DMD: variants seen among roughly 807,000 people sequenced by gnomAD.
The protein encoded by DMD is mutant dystrophin.
In DMD, 63 loss-of-function variants were observed where a neutral mutation model predicts 330.1. The ratio of observed to expected loss-of-function variants is 0.19; its 90% confidence interval spans 0.16 to 0.24. DMD has a LOEUF of 0.24. DMD is among the 10% of genes least tolerant of loss of function. DMD has a pLI of 1.00. For missense variants in DMD, 3,344 were observed against 2,684.1 expected (o/e 1.25, Z -5.43); for synonymous variants, 1,223 against 959.8 (o/e 1.27, Z -5.07).
At chrX:32,414,292 G>A (rs1156773831) in intron 29 of DMD, among the ~76,000 whole-genome samples, 1 of 111,527 alleles carries the variant, frequency 9.0e-6, no homozygotes, top group Non-Finnish European at 1.9e-5. Flanking sequence ...TAAGTTCAGG[G>A]AGGTAATTCT....
intron 2 of DMD, among the ~76,000 whole-genome samples, chrX:33,018,731 A>C (rs2093854136): frequency 8.9e-6 from 1 of 111,878 alleles, no homozygotes. Context: ...TCAGAATTCC[A>C]AAACTTAAAA....
chrX:32,290,541 G>T (rs1439812742), intron 42 of DMD, among the ~76,000 whole-genome samples: 2 of 111,968 alleles, frequency 1.8e-5, no homozygotes, highest in African/African-American at 6.5e-5. Flanking sequence ...CCACAAATGG[G>T]TTATACGGGA....
rs753065208 is a variant in DMD at position 31,308,793 on chromosome X, G to A, written c.9224+14805C>T. 4.5e-5 allele frequency among the ~76,000 whole-genome samples: 5 copies of A among 110,565 alleles called. No individual in the cohort carries two copies. The South Asian group carries it at 1.6e-3, about 35-fold the overall frequency. On this transcript the variant is annotated intron_variant, in intron 62 of 78. Coordinates refer to ENST00000357033, the MANE Select transcript of DMD (RefSeq NM_004006.3). ...CGCCCTGGCTGAAGTGCAATGGTGC[G>A]ATCTCGGCTCACTGCAACCTCTGCC...
At chrX:31,783,503 T>C (rs2091131001) in intron 50 of DMD, among the ~76,000 whole-genome samples, 1 of 111,457 alleles carries the variant, frequency 9.0e-6, no homozygotes, top group Non-Finnish European at 1.9e-5. Context: ...GATGATAAGC[T>C]ATTTGAGATA....
intron 12 of DMD, among the ~76,000 whole-genome samples, chrX:32,606,494 T>C (rs1476119442): frequency 9.1e-6 from 1 of 109,708 alleles, no homozygotes; most frequent in African/African-American, 3.3e-5. Context: ...TGTAAAACAG[T>C]ATGGAGATTT....
At chrX:31,867,290 T>C (rs1044839898) in intron 48 of DMD, among the ~76,000 whole-genome samples, 8 of 109,896 alleles carry the variant, frequency 7.3e-5, no homozygotes, top group Non-Finnish European at 1.1e-4. Flanking sequence ...TGATTTTGTA[T>C]GTCCTTGAAT....
At chrX:32,800,651 G>T (rs2076490869) in intron 7 of DMD, among the ~76,000 whole-genome samples, 1 of 110,833 alleles carries the variant, frequency 9.0e-6, no homozygotes. Flanking sequence ...GTGGTTTGCT[G>T]TACCAATCCG....
rs551907836 is a variant in DMD at position 32,860,048 on chromosome X, C to T, written c.94-10228G>A. 2.3e-3 allele frequency among the ~76,000 whole-genome samples: 251 copies of T among 111,532 alleles called. 2 individuals are homozygous for T. Among genetic ancestry groups the T allele is most frequent in the African/African-American group, 7.9e-3 (242 of 30,683 alleles). On this transcript the variant is annotated intron_variant, in intron 2 of 78. Transcript: ENST00000357033. The stretch of plus-strand genomic sequence containing the variant: ...GTCTTTGTTAACCCAAACCACAACA[C>T]GAAAGGACCTAAAAACGAGACAGTA...
At position 32,715,602 on chromosome X, in the gene DMD, A is replaced by C. The variant is rs139916400; in HGVS notation, c.650-16309T>G. 4.2e-3 allele frequency among the ~76,000 whole-genome samples: 452 copies of C among 108,725 alleles called. 1 individual carries two copies. The highest frequency in any genetic ancestry group is 0.013 in the African/African-American group (398 of 29,773). The allele number at this position is 108,725 out of a possible 115,157, so 94.4% of individuals were successfully genotyped here. A position where few individuals can be genotyped will look rare whatever the true frequency, so the allele number is the denominator to read the frequency against. On this transcript the variant is annotated intron_variant, in intron 7 of 78. Transcript: ENST00000357033. ...CAGATCACCTGAGGTCAGGAGTTTG[A>C]GACCCTGGCCAACATGGTGAAACCC...
chrX:31,708,914 T>C (rs1353085273), intron 52 of DMD, among the ~76,000 whole-genome samples: 2 of 112,122 alleles, frequency 1.8e-5, no homozygotes, highest in Non-Finnish European at 3.8e-5. Context: ...TTGAGAAGAC[T>C]TTTGAAATCA....
At chrX:31,171,685 T>C (rs1385150229) in intron 73 of DMD, among the ~76,000 whole-genome samples, 1 of 111,502 alleles carries the variant, frequency 9.0e-6, no homozygotes, top group Non-Finnish European at 1.9e-5. Context: ...CACTCTATAA[T>C]GAAGCCTGTT....
At chrX:31,821,246 T>C (rs2092750274) in intron 49 of DMD, among the ~76,000 whole-genome samples, 1 of 112,950 alleles carries the variant, frequency 8.9e-6, no homozygotes, top group Non-Finnish European at 1.9e-5. Context: ...CCTGGAGACC[T>C]TGCTAATTGC....
intron 2 of DMD, among the ~76,000 whole-genome samples, chrX:32,946,425 G>A (rs2090813291): frequency 1.8e-5 from 2 of 111,208 alleles, no homozygotes; most frequent in Admixed American, 1.9e-4. Flanking sequence ...TTTTCATTAA[G>A]CAGCACCACT....
At position 32,348,530 on chromosome X, in the gene DMD, TA is replaced by T. The variant is rs398123988; in HGVS notation, c.5326-3del. The T allele has an allele frequency of 7.2e-5, 84 of 1,170,971 alleles. No homozygotes were observed. The highest frequency in any genetic ancestry group is 2.4e-4 in the Middle Eastern group (1 of 4,236). ...CAATTCCTTCAAAGGAATGGAGGCCTAAAAAAAAAGATAGTGCTACTTTAAA... is the reference window on the plus strand; with the variant it reads ...CAATTCCTTCAAAGGAATGGAGGCCTAAAAAAAAGATAGTGCTACTTTAAA... On this transcript the variant is annotated splice_region_variant and splice_polypyrimidine_tract_variant and intron_variant, in intron 37 of 78. Transcript: ENST00000357033.
At chrX:32,190,662 A>T (rs2096971242) in intron 44 of DMD, among the ~76,000 whole-genome samples, 1 of 103,958 alleles carries the variant, frequency 9.6e-6, no homozygotes. Flanking sequence ...ATCATTAAAA[A>T]ATAAATTTAT....
At chrX:31,562,098 T>A (rs2075230991) in intron 55 of DMD, among the ~76,000 whole-genome samples, 1 of 112,178 alleles carries the variant, frequency 8.9e-6, no homozygotes, top group African/African-American at 3.2e-5. Flanking sequence ...TTGTTTTGAT[T>A]TTTGAAAGAT....
Position 32,987,985 on chromosome X carries a change from G to GTA in DMD, c.93+32152_93+32153dup, listed in dbSNP as rs753957415. Reference sequence around the variant, plus strand: ...GAAAATCATATATACATATATATGTGTATATATATATATAAAATCACACAC... The same window carrying GTA: ...GAAAATCATATATACATATATATGTGTATATATATATATATAAAATCACACAC... On this transcript the variant is annotated intron_variant, in intron 2 of 78. Transcript: ENST00000357033. Among the ~76,000 whole-genome samples, 67 of 107,894 alleles carry GTA rather than the reference G, an allele frequency of 6.2e-4. No homozygotes were observed. In the East Asian group the frequency reaches 6.7e-3, roughly 11 times the overall value. The allele number at this position is 107,894 out of a possible 115,157, so 93.7% of individuals were successfully genotyped here.
At chrX:33,111,837 C>T (rs991546571) in intron 1 of DMD, among the ~76,000 whole-genome samples, 5 of 110,780 alleles carry the variant, frequency 4.5e-5, no homozygotes, top group Non-Finnish European at 9.4e-5. Flanking sequence ...TCTCAAACTC[C>T]TGACCTCAAG....
At chrX:32,220,745 G>A (rs2097129326) in intron 43 of DMD, among the ~76,000 whole-genome samples, 2 of 110,635 alleles carry the variant, frequency 1.8e-5, no homozygotes, top group Admixed American at 1.9e-4. Flanking sequence ...CATTAATTGG[G>A]CTGCCCATGA....
Sources: gnomAD v4.1 joint callset for allele counts (sites outside exome capture counted in the v4.1 genomes callset) on GRCh38, gnomAD v4.1.1 for gene constraint, MANE v1.5 for transcripts, NCBI Gene and HGNC (gene_info 2026-07-23, HGNC 2026-07-21) for gene names.